Variants in SLC22A15 observed in about 807,000 individuals in gnomAD.
SLC22A15 encodes the protein solute carrier family 22 member 15.
A neutral mutation model predicts 62.7 loss-of-function variants in SLC22A15; 45 were observed. That is an observed-to-expected ratio of 0.72 (90% CI 0.56 to 0.92). SLC22A15 has a LOEUF of 0.92. Ranked by LOEUF, SLC22A15 falls within the 40% of genes least tolerant of loss-of-function variation. The pLI is 0.00. For missense variants in SLC22A15, 622 were observed against 665.6 expected, an observed-to-expected ratio of 0.93 and a Z score of 0.72; for synonymous variants, 264 against 267.0, an observed-to-expected ratio of 0.99 and a Z score of 0.11.
intron 8 of SLC22A15, among the ~76,000 whole-genome samples, chr1:116,044,278 A>G (rs2101506251): frequency 6.6e-6 from 1 of 152,358 alleles, no homozygotes; most frequent in African/African-American, 2.4e-5. Flanking sequence ...GTTTTATCCC[A>G]CAAATGCAAG....
chr1:116,020,261 A>AC (rs56786030), intron 3 of SLC22A15, among the ~76,000 whole-genome samples: 2 of 143,500 alleles, frequency 1.4e-5, no homozygotes, highest in South Asian at 2.1e-4. Context: ...AAAAAAAAAA[A>AC]CACACAGCTG....
intron 2 of SLC22A15, chr1:116,015,283 C>T (rs552035413): frequency 2.4e-4 from 36 of 152,280 alleles, no homozygotes; most frequent in South Asian, 4.2e-4. Flanking sequence ...ATCTGTCTTT[C>T]CATTTTTCTG....
chr1:115,983,204 A>G (rs1308653705), intron 1 of SLC22A15, among the ~76,000 whole-genome samples: 1 of 152,224 alleles, frequency 6.6e-6, no homozygotes, highest in Non-Finnish European at 1.5e-5. Context: ...AACATTATCT[A>G]GTTGGAACTT....
At chr1:116,056,604 C>T (rs1482722582) in intron 8 of SLC22A15, among the ~76,000 whole-genome samples, 4 of 151,788 alleles carry the variant, frequency 2.6e-5, no homozygotes, top group South Asian at 2.1e-4. Flanking sequence ...CCAAGTCAAT[C>T]CTAAGCCAAA....
intron 2 of SLC22A15, among the ~76,000 whole-genome samples, chr1:115,996,009 C>T (rs562434499): frequency 1.3e-4 from 20 of 152,246 alleles, no homozygotes; most frequent in African/African-American, 4.3e-4. Context: ...CCACAAGGAT[C>T]CTTCATGTTG....
At chr1:116,047,115 G>C (rs1272804046) in intron 8 of SLC22A15, among the ~76,000 whole-genome samples, 5 of 152,266 alleles carry the variant, frequency 3.3e-5, no homozygotes, top group Non-Finnish European at 5.9e-5. Flanking sequence ...AAGCCAACTA[G>C]CACAACAATA....
chr1:116,011,120 G>A (rs1312591183), intron 2 of SLC22A15, among the ~76,000 whole-genome samples: 1 of 152,210 alleles, frequency 6.6e-6, no homozygotes, highest in Non-Finnish European at 1.5e-5. Context: ...AAGGGATACA[G>A]CAGCCAGCTG....
chr1:116,016,065 T>A (rs985372335), intron 2 of SLC22A15, among the ~76,000 whole-genome samples: 3 of 152,116 alleles, frequency 2.0e-5, no homozygotes. Context: ...TATGAAACTT[T>A]CTTTCTCTTT....
At chr1:115,984,849 T>A (rs1222208922) in intron 1 of SLC22A15, among the ~76,000 whole-genome samples, 3 of 152,038 alleles carry the variant, frequency 2.0e-5, no homozygotes, top group Admixed American at 1.3e-4. Flanking sequence ...GTTCAAAAAA[T>A]TTTTAAAAAT....
At chr1:116,042,911 T>A (rs2101500265) in intron 8 of SLC22A15, among the ~76,000 whole-genome samples, 1 of 152,308 alleles carries the variant, frequency 6.6e-6, no homozygotes, top group Non-Finnish European at 1.5e-5. Flanking sequence ...AGAGACCATA[T>A]TCTAGGCCAT....
chr1:116,034,988 C>A (rs1657578487), intron 6 of SLC22A15, among the ~76,000 whole-genome samples, 199 bp from the exon 7 acceptor site: 1 of 152,100 alleles, frequency 6.6e-6, no homozygotes, highest in Admixed American at 6.6e-5. Flanking sequence ...TTTCCAAACC[C>A]CCATAATTTT....
At chr1:116,020,515 C>T (rs952878885) in intron 3 of SLC22A15, among the ~76,000 whole-genome samples, 1 of 150,052 alleles carries the variant, frequency 6.7e-6, no homozygotes, top group Non-Finnish European at 1.5e-5. Flanking sequence ...GAGATTGTGC[C>T]ACTGCACTCC....
chr1:116,005,304 A>C (rs950565221), intron 2 of SLC22A15, among the ~76,000 whole-genome samples: 6 of 152,084 alleles, frequency 3.9e-5, no homozygotes, highest in African/African-American at 1.4e-4. Context: ...TTTTTGGCAT[A>C]ACAAGATATT....
At chr1:116,028,789 C>T (rs1328834668) in intron 5 of SLC22A15, among the ~76,000 whole-genome samples, 5 of 152,154 alleles carry the variant, frequency 3.3e-5, no homozygotes, top group Non-Finnish European at 1.5e-5. Context: ...TGCTTTTCTG[C>T]TCCATGCTGC....
intron 1 of SLC22A15, among the ~76,000 whole-genome samples, chr1:115,979,427 G>A (rs1021982765): frequency 6.6e-6 from 1 of 152,180 alleles, no homozygotes; most frequent in Admixed American, 6.5e-5. Flanking sequence ...TGAAAATGGT[G>A]ATATGTGGTA....
At chr1:115,989,529 C>T (rs974278596) in intron 1 of SLC22A15, among the ~76,000 whole-genome samples, 5 of 152,006 alleles carry the variant, frequency 3.3e-5, no homozygotes, top group South Asian at 4.2e-4. Context: ...GCCTGTAATC[C>T]CAGCATTTTG....
intron 1 of SLC22A15, among the ~76,000 whole-genome samples, chr1:115,986,127 G>A (rs959782605): frequency 2.0e-5 from 3 of 150,706 alleles, no homozygotes; most frequent in Non-Finnish European, 4.4e-5. Flanking sequence ...ATAGGCATGA[G>A]CCACCACACC....
chr1:116,028,292 G>A (rs759935058), intron 5 of SLC22A15, among the ~76,000 whole-genome samples: 1 of 151,850 alleles, frequency 6.6e-6, no homozygotes, highest in Non-Finnish European at 1.5e-5. Context: ...TATTAGAAGA[G>A]GAAACTAATA....
chr1:116,031,806 G>T, intron 6 of SLC22A15: 1 of 1,399,578 alleles, frequency 7.1e-7, no homozygotes, highest in Non-Finnish European at 9.3e-7. Context: ...GGTCCACTGA[G>T]CTTGAGTAAG....
Sources: allele counts gnomAD v4.1 joint callset (sites outside exome capture counted in the v4.1 genomes callset), GRCh38; gene constraint gnomAD v4.1.1; transcripts MANE v1.5; gene names NCBI Gene and HGNC (gene_info 2026-07-23, HGNC 2026-07-21).